PLCE1: variants seen among roughly 807,000 people sequenced by gnomAD.
PLCE1 encodes phospholipase C epsilon 1.
PLCE1 carries 119 observed loss-of-function variants against 242.8 expected under a neutral mutation model. The observed-to-expected ratio is 0.49, with a 90% CI of 0.42 to 0.57. PLCE1 has a LOEUF of 0.57. Ranked by LOEUF, PLCE1 falls within the 20% of genes least tolerant of loss-of-function variation. The pLI, the probability that PLCE1 is intolerant of heterozygous loss-of-function variation, is 0.00. For synonymous variants in PLCE1, 945 were observed against 1,017.4 expected, an observed-to-expected ratio of 0.93 and a Z score of 1.35; for missense variants, 2,441 against 2,788.8, an observed-to-expected ratio of 0.88 and a Z score of 2.81.
chr10:94,143,740 A>G (rs1477753728), intron 3 of PLCE1, among the ~76,000 whole-genome samples: 1 of 152,248 alleles, frequency 6.6e-6, no homozygotes, highest in African/African-American at 2.4e-5. Context: ...TACAGATATT[A>G]TACTATCATC....
chr10:94,113,002 G>T (rs1438174377), intron 2 of PLCE1, among the ~76,000 whole-genome samples: 1 of 152,136 alleles, frequency 6.6e-6, no homozygotes, highest in Non-Finnish European at 1.5e-5. Context: ...AGTTAAAGAA[G>T]AATTATGCCT....
intron 7 of PLCE1, among the ~76,000 whole-genome samples, chr10:94,240,439 C>G (rs578099735): frequency 6.6e-6 from 1 of 152,116 alleles, no homozygotes; most frequent in African/African-American, 2.4e-5. Flanking sequence ...TGCTTATAGT[C>G]AAGGAAGGTG....
At chr10:94,124,395 A>AG (rs1554860101) in intron 2 of PLCE1, among the ~76,000 whole-genome samples, 44 of 151,508 alleles carry the variant, frequency 2.9e-4, no homozygotes, top group African/African-American at 9.9e-4. Flanking sequence ...AAAAAAAAAA[A>AG]AAAGAAAGAA....
intron 2 of PLCE1, among the ~76,000 whole-genome samples, chr10:94,033,622 T>G (rs1437479726): frequency 1.3e-5 from 2 of 152,244 alleles, no homozygotes; most frequent in Middle Eastern, 3.4e-3. Flanking sequence ...CTGAATTCTA[T>G]CCACAGTCTC....
At chr10:94,227,004 G>C (rs1349508967) in intron 4 of PLCE1, 1 of 353,524 alleles carries the variant, frequency 2.8e-6, no homozygotes, top group African/African-American at 2.1e-5. Flanking sequence ...AGCTTCCCAA[G>C]TAGTTGGAAT....
chr10:94,190,136 C>T (rs987371226), intron 4 of PLCE1, among the ~76,000 whole-genome samples: 6 of 151,990 alleles, frequency 3.9e-5, no homozygotes, highest in African/African-American at 1.5e-4. Context: ...ACAGAAGTTA[C>T]AGGCGTGGTA....
chr10:94,209,011 G>A (rs975663855), intron 4 of PLCE1, among the ~76,000 whole-genome samples: 2 of 152,092 alleles, frequency 1.3e-5, no homozygotes, highest in Non-Finnish European at 2.9e-5. Flanking sequence ...CATTTAAGTG[G>A]ATTTGAAAAA....
intron 19 of PLCE1, among the ~76,000 whole-genome samples, chr10:94,275,848 A>T (rs2133200714): frequency 6.6e-6 from 1 of 152,196 alleles, no homozygotes; most frequent in Non-Finnish European, 1.5e-5. Flanking sequence ...AAAAAAAAAA[A>T]TTCTTTAGCA....
chr10:94,205,285 T>C (rs112538935), intron 4 of PLCE1, among the ~76,000 whole-genome samples: 3 of 152,092 alleles, frequency 2.0e-5, no homozygotes, highest in African/African-American at 7.2e-5. Flanking sequence ...GTAATAATAG[T>C]GGGGGAAGAA....
At chr10:94,006,883 A>G (rs2061049989) in intron 1 of PLCE1, among the ~76,000 whole-genome samples, 1 of 152,230 alleles carries the variant, frequency 6.6e-6, no homozygotes, top group Non-Finnish European at 1.5e-5. Context: ...AGTGGGTCAA[A>G]GCAGTTAAGA....
chr10:94,257,911 A>G (rs777261479), intron 11 of PLCE1, among the ~76,000 whole-genome samples: 1 of 152,226 alleles, frequency 6.6e-6, no homozygotes, highest in Non-Finnish European at 1.5e-5. Context: ...CCTAGAACTT[A>G]AAGTATAATT....
At chr10:94,002,085 G>T (rs1482012946) in intron 1 of PLCE1, among the ~76,000 whole-genome samples, 1 of 151,642 alleles carries the variant, frequency 6.6e-6, no homozygotes, top group African/African-American at 2.4e-5. Context: ...CAGTGGTAGG[G>T]ATTGGTAAAT....
intron 3 of PLCE1, among the ~76,000 whole-genome samples, chr10:94,141,608 G>A (rs1564727351): frequency 0.075 from 204 of 2,722 alleles, 7 homozygotes; most frequent in African/African-American, 0.18. Flanking sequence ...AAGGCAAAGG[G>A]AAGGAGAAAG....
At chr10:94,190,363 C>G (rs955599694) in intron 4 of PLCE1, among the ~76,000 whole-genome samples, 1 of 152,038 alleles carries the variant, frequency 6.6e-6, no homozygotes, top group African/African-American at 2.4e-5. Flanking sequence ...AATTTCAGTG[C>G]TTTGGGAGAC....
Position 94,273,607 on chromosome 10 carries a change from G to A in PLCE1, c.4552G>A (p.Asp1518Asn). The A allele has an allele frequency of 6.2e-7, 1 of 1,613,566 alleles. No individual in the cohort carries two copies. Among genetic ancestry groups the A allele is most frequent in the Non-Finnish European group, 8.5e-7 (1 of 1,179,546 alleles). ...GGTGACTAAATTCTTATTTGAGACT[G>A]ATTTCTCAGATGATCCAATGCTTCC... ...KLVTKFLFET[D>N]FSDDPMLPSP... The change falls in exon 19 of 33, where the codon GAT (aspartate) becomes AAT (asparagine). Residue 1518 changes from aspartate to asparagine, a missense_variant. Physicochemically the swap from Asp to Asn is conservative, Grantham distance 23 (BLOSUM62 1). This residue lies in a region of PLCE1 where 1,004 missense variants were observed against 1,322.7 expected (regional missense o/e 0.76). Transcript: ENST00000371380.
At chr10:94,277,791 A>T (rs2052018497) in intron 19 of PLCE1, among the ~76,000 whole-genome samples, 1 of 152,158 alleles carries the variant, frequency 6.6e-6, no homozygotes, top group Non-Finnish European at 1.5e-5. Context: ...AGGGGAAAAA[A>T]ATTTCCTGGT....
At chr10:94,201,018 GGGATCCTGGAACAGAAAAA>G (rs2048970661) in intron 4 of PLCE1, among the ~76,000 whole-genome samples, 1 of 152,122 alleles carries the variant, frequency 6.6e-6, no homozygotes, top group Non-Finnish European at 1.5e-5. Flanking sequence ...AAGGTGATGT[GGGATCCTGGAACAGAAAAA>G]GGACATTAGG....
At chr10:94,290,614 C>T (rs1039459744) in intron 22 of PLCE1, among the ~76,000 whole-genome samples, 21 of 151,662 alleles carry the variant, frequency 1.4e-4, no homozygotes, top group Non-Finnish European at 1.3e-4. Context: ...ATGATAACAA[C>T]GCTTTCTTCT....
intron 4 of PLCE1, among the ~76,000 whole-genome samples, chr10:94,187,628 C>T (rs146142519): frequency 6.6e-6 from 1 of 152,222 alleles, no homozygotes; most frequent in East Asian, 1.9e-4. Context: ...ACAGATTCCT[C>T]AAGGGCCAGG....
Sources: allele counts gnomAD v4.1 joint callset (sites outside exome capture counted in the v4.1 genomes callset), GRCh38; gene constraint gnomAD v4.1.1; regional missense constraint gnomAD v4.1.1; transcripts MANE v1.5; gene names NCBI Gene and HGNC (gene_info 2026-07-23, HGNC 2026-07-21).